NCOA6: variants seen among roughly 807,000 people sequenced by gnomAD.
NCOA6 encodes the protein NRC RAP250.
Under a neutral mutation model 171.4 loss-of-function variants are expected in NCOA6, and 49 were observed. The observed-to-expected ratio is 0.29, with a 90% CI of 0.23 to 0.36. The LOEUF (loss-of-function observed/expected upper bound fraction) is 0.36. NCOA6 is among the 10% of genes least tolerant of loss of function. The pLI, the probability that NCOA6 is intolerant of heterozygous loss-of-function variation, is 1.00. For missense variants in NCOA6, 2,248 were observed against 2,554.5 expected, an observed-to-expected ratio of 0.88 and a Z score of 2.59; for synonymous variants, 910 against 927.5, an observed-to-expected ratio of 0.98 and a Z score of 0.34.
intron 11 of NCOA6, 68 bp downstream of exon 11, chr20:34,740,295 G>A: frequency 6.5e-7 from 1 of 1,527,566 alleles, no homozygotes; most frequent in Non-Finnish European, 8.8e-7. Context: ...AAGGAGTCAT[G>A]CTTTCTCTTG....
rs751546654 is a variant in NCOA6 at position 34,742,176 on chromosome 20, T to C, written c.4080A>G (p.Thr1360=). ...KAPKLTLASQ[T]NAALLQNVEL... is the part of the protein sequence containing the mutation. The stretch of plus-strand genomic sequence containing the variant: ...CCACATTCTGCAATAGGGCTGCATT[T>C]GTCTGAGAGGCCAGAGTAAGTTTAG... The change falls in exon 11 of 15, where the codon ACA becomes ACG. Residue 1360 remains threonine (T), a synonymous_variant. Transcript: ENST00000359003. 1.9e-6 allele frequency: 3 copies of C among 1,614,228 alleles called. No homozygotes were observed. The South Asian group carries it at 3.3e-5, about 18-fold the overall frequency.
At chr20:34,760,149 C>T (rs1209949579) in intron 5 of NCOA6, among the ~76,000 whole-genome samples, 1 of 152,094 alleles carries the variant, frequency 6.6e-6, no homozygotes, top group Non-Finnish European at 1.5e-5. Flanking sequence ...TGGTGGCAAG[C>T]GCCTGGATTC....
intron 1 of NCOA6, among the ~76,000 whole-genome samples, chr20:34,805,283 T>C (rs1441031340): frequency 6.6e-6 from 1 of 152,124 alleles, no homozygotes; most frequent in African/African-American, 2.4e-5. Flanking sequence ...GCTCAAGCAA[T>C]CCACCCACCT....
In NCOA6 at chr20:34,732,567, A is replaced by G. The variant is rs371967483; in HGVS notation, c.5991T>C (p.Ser1997=). ...AGAAATGATCATCTTACCTTTGTCC[A>G]GAGACTATGGCAGCATTTACCTCCA... ...PELEVNAAIV[S]GQSSEPKEIV... The change falls in exon 13 of 15, where the codon TCT becomes TCC. Residue 1997 remains serine, a synonymous_variant. Transcript: ENST00000359003. The G allele has an allele frequency of 9.3e-6, 15 of 1,613,742 alleles. No homozygotes were observed. The Middle Eastern group carries it at 4.9e-4, about 53-fold the overall frequency.
At chr20:34,815,372 AT>A (rs200167810) in intron 1 of NCOA6, among the ~76,000 whole-genome samples, 198 of 150,130 alleles carry the variant, frequency 1.3e-3, no homozygotes, top group African/African-American at 4.5e-3. Context: ...GCGAGACTCT[AT>A]TTTTTTTTTA....
In NCOA6 at chr20:34,741,202, G is replaced by A. The variant is rs1156380351; in HGVS notation, c.5054C>T (p.Thr1685Ile). 1 of 1,614,252 alleles carries A rather than the reference G, an allele frequency of 6.2e-7. No homozygotes were observed. The highest frequency in any genetic ancestry group is 8.5e-7 in the Non-Finnish European group (1 of 1,180,042). The part of the protein sequence containing the change: ...PSTIPAAPLT[T>I]NSGLMPPSVA... ...AGAGGGAGGCATCAGGCCAGAGTTG[G>A]TTGTCAGTGGGGCTGCAGGAATTGT... Residue 1685 changes from threonine to isoleucine, a missense_variant, in exon 11 of 15, where the codon ACC becomes ATC. Around this residue, in one of 7 missense-constraint regions of NCOA6, gnomAD observed 884 missense variants for 941.9 expected, o/e 0.94. Coordinates refer to ENST00000359003, the MANE Select transcript of NCOA6 (RefSeq NM_014071.5).
chr20:34,740,870 G>T lies in NCOA6; in HGVS notation c.5386C>A (p.Leu1796Ile). The T allele has an allele frequency of 6.2e-7, 1 of 1,614,222 alleles. No individual in the cohort carries two copies. Among genetic ancestry groups the T allele is most frequent in the Non-Finnish European group, 8.5e-7 (1 of 1,180,048 alleles). ...SSQSTTMVSP[L>I]LTNSPGSSGN... The stretch of plus-strand genomic sequence containing the variant: ...GAGGACCCTGGACTATTGGTCAAAA[G>T]GGGAGAAACCATTGTGGTTGACTGT... Residue 1796 changes from leucine (L) to isoleucine (I), a missense_variant, in exon 11 of 15, where the codon CTT becomes ATT. Around this residue, in one of 7 missense-constraint regions of NCOA6, gnomAD observed 884 missense variants for 941.9 expected, o/e 0.94. Coordinates refer to ENST00000359003, the MANE Select transcript of NCOA6 (RefSeq NM_014071.5).
At chr20:34,794,137 C>T (rs2077986302) in intron 1 of NCOA6, among the ~76,000 whole-genome samples, 2 of 152,108 alleles carry the variant, frequency 1.3e-5, no homozygotes, top group Non-Finnish European at 2.9e-5. Flanking sequence ...ATCACAATTA[C>T]AAGCTGGGTG....
At chr20:34,746,076 A>T (rs1265870102) in intron 10 of NCOA6, among the ~76,000 whole-genome samples, 1 of 152,124 alleles carries the variant, frequency 6.6e-6, no homozygotes, top group Non-Finnish European at 1.5e-5. Flanking sequence ...AAAAAAGATC[A>T]TCTTGTTTTA....
chr20:34,814,740 C>T (rs1353759364), intron 1 of NCOA6, among the ~76,000 whole-genome samples: 11 of 152,180 alleles, frequency 7.2e-5, no homozygotes, highest in African/African-American at 2.4e-4. Context: ...TACAGGCGCA[C>T]GCCACCACGC....
At chr20:34,765,900 T>C (rs1454598311) in intron 5 of NCOA6, among the ~76,000 whole-genome samples, 3 of 152,216 alleles carry the variant, frequency 2.0e-5, no homozygotes, top group Non-Finnish European at 4.4e-5. Context: ...CAAAAGACTC[T>C]TGCTTATTAG....
chr20:34,747,992 T>C (rs1232786640), intron 9 of NCOA6, among the ~76,000 whole-genome samples: 4 of 152,112 alleles, frequency 2.6e-5, no homozygotes, highest in African/African-American at 4.8e-5. Flanking sequence ...CACAGTGAAG[T>C]AGTGGTAGAG....
rs558622457 is a variant in NCOA6, at chr20:34,720,590, T to A, written c.6149-5225A>T. Among the ~76,000 whole-genome samples, 11 of 152,336 alleles carry A rather than the reference T, an allele frequency of 7.2e-5. No homozygotes were observed. The South Asian group carries it at 1.9e-3, about 26-fold the overall frequency. On this transcript the variant is annotated intron_variant, in intron 14 of 14. Coordinates refer to ENST00000359003, the MANE Select transcript of NCOA6 (RefSeq NM_014071.5). Reference sequence around the variant, plus strand: ...TCATAGTGTTTCTCAGCTTCAGAGATTTTCATGAAAAACACAGAATGTCTC... The same window carrying A: ...TCATAGTGTTTCTCAGCTTCAGAGAATTTCATGAAAAACACAGAATGTCTC...
chr20:34,733,591 T>A (rs1024705815), intron 12 of NCOA6, among the ~76,000 whole-genome samples: 1 of 152,030 alleles, frequency 6.6e-6, no homozygotes, highest in Non-Finnish European at 1.5e-5. Flanking sequence ...ATAATGCATG[T>A]AGAAATTTTA....
chr20:34,818,504 C>G (rs889458406), intron 1 of NCOA6, among the ~76,000 whole-genome samples: 3 of 152,134 alleles, frequency 2.0e-5, no homozygotes, highest in Non-Finnish European at 2.9e-5. Context: ...CATTTCCACC[C>G]TTAATTCCAA....
chr20:34,761,349 G>A (rs2145869565), intron 5 of NCOA6, among the ~76,000 whole-genome samples: 1 of 152,124 alleles, frequency 6.6e-6, no homozygotes, highest in Admixed American at 6.5e-5. Flanking sequence ...ACACATTTCA[G>A]TATATATTAT....
At chr20:34,729,091 C>T (rs1990311255) in intron 13 of NCOA6, among the ~76,000 whole-genome samples, 1 of 152,174 alleles carries the variant, frequency 6.6e-6, no homozygotes, top group Non-Finnish European at 1.5e-5. Flanking sequence ...GCTGGGATTA[C>T]AGGCATGCGC....
At chr20:34,730,054 C>T (rs1990424557) in intron 13 of NCOA6, among the ~76,000 whole-genome samples, 1 of 114,206 alleles carries the variant, frequency 8.8e-6, no homozygotes, top group Admixed American at 1.1e-4. Context: ...AAAGAAAGTT[C>T]TTTTTTTAAA....
intron 1 of NCOA6, among the ~76,000 whole-genome samples, chr20:34,808,297 C>T (rs2078531106): frequency 6.6e-6 from 1 of 151,974 alleles, no homozygotes; most frequent in East Asian, 1.9e-4. Flanking sequence ...GGAACTGTGC[C>T]CAGCCAGGAT....
Sources: gnomAD v4.1 joint callset for allele counts (sites outside exome capture counted in the v4.1 genomes callset) on GRCh38, gnomAD v4.1.1 for gene constraint, gnomAD v4.1.1 regional missense constraint, MANE v1.5 for transcripts, NCBI Gene and HGNC (gene_info 2026-07-23, HGNC 2026-07-21) for gene names.